Variants in PKHD1L1 observed in about 807,000 individuals in gnomAD.
PKHD1L1 encodes the protein PKHD1 like 1.
In PKHD1L1, 434 loss-of-function variants were observed where a neutral mutation model predicts 462.9. The ratio of observed to expected loss-of-function variants is 0.94; its 90% CI spans 0.87 to 1.02. The LOEUF (loss-of-function observed/expected upper bound fraction) is 1.02, where lower values mean the gene tolerates loss of function less well. Among genes scored for constraint, PKHD1L1 ranks in the 50% least tolerant of loss-of-function variants. The pLI is 0.00. For missense variants in PKHD1L1, 5,202 were observed against 5,096.1 expected (o/e 1.02, Z -0.63); for synonymous variants, 1,781 against 1,750.0 (o/e 1.02, Z -0.44).
At position 109,522,901 on chromosome 8, in the gene PKHD1L1, A is replaced by C. The variant is rs1186644053; in HGVS notation, c.12330+11A>C. ...GCAACAGATTCTGACGTAAGTCATA[A>C]CTCAAAATTTTACTTAAGTGAAGGA... On this transcript the variant is annotated intron_variant, in intron 75 of 77. Transcript: ENST00000378402. 1.9e-6 allele frequency: 3 copies of C among 1,584,782 alleles called. No homozygotes were observed. The African/African-American group carries it at 4.1e-5, about 21-fold the overall frequency.
Position 109,410,738 on chromosome 8 carries a change from T to C in PKHD1L1, c.2085+760T>C, listed in dbSNP as rs940031518. 3.4e-5 allele frequency among the ~76,000 whole-genome samples: 4 copies of C among 116,862 alleles called. 1 individual carries two copies. The highest frequency in any genetic ancestry group is 6.9e-5 in the Non-Finnish European group (4 of 58,004). 76.7% of individuals were successfully genotyped at this position (116,862 alleles called of 152,430 possible). A position where few individuals can be genotyped will look rare whatever the true frequency, so the allele number is the denominator to read the frequency against. On this transcript the variant is annotated intron_variant, in intron 19 of 77. Coordinates refer to ENST00000378402, the MANE Select transcript of PKHD1L1 (RefSeq NM_177531.6). ...TTCTTTTCTTTTTCTTTTTTTTTTT[T>C]TTTTTTTTTGAGACGGAGTCTCACT...
chr8:109,503,306 AAAAACAAAC>A, intron 67 of PKHD1L1, among the ~76,000 whole-genome samples: 3 of 119,752 alleles, frequency 2.5e-5, no homozygotes, highest in African/African-American at 7.0e-5. Flanking sequence ...AAACAAAAAC[AAAAACAAAC>A]AAAAAAAAAA....
At chr8:109,481,644 T>C in intron 56 of PKHD1L1, 82 bp downstream of exon 56, 2 of 1,218,184 alleles carry the variant, frequency 1.6e-6, no homozygotes, top group Non-Finnish European at 1.1e-6. Flanking sequence ...TACATATCAG[T>C]TCATAATGAT....
chr8:109,412,051 CTT>C (rs1457638668), intron 19 of PKHD1L1, among the ~76,000 whole-genome samples: 1 of 152,052 alleles, frequency 6.6e-6, no homozygotes, highest in Non-Finnish European at 1.5e-5. Context: ...AAAAATCAAA[CTT>C]GGGAACTAGT....
chr8:109,400,024 G>A (rs1012981933), intron 12 of PKHD1L1, 52 bp from the exon 13 acceptor site: 1 of 1,521,550 alleles, frequency 6.6e-7, no homozygotes, highest in African/African-American at 1.4e-5. Context: ...AAGCCATTGA[G>A]GCATTGCATT....
At chr8:109,448,736 A>G (rs116296809) in intron 39 of PKHD1L1, among the ~76,000 whole-genome samples, 4,036 of 152,064 alleles carry the variant, frequency 0.027, 187 homozygotes, top group African/African-American at 0.094. Context: ...ATAGCACAAT[A>G]CAAATACTTT....
Position 109,415,847 on chromosome 8 carries a change from T to TA in PKHD1L1, c.2360+2316dup, listed in dbSNP as rs71305948. Among the ~76,000 whole-genome samples, 108 of 117,034 alleles carry TA rather than the reference T, an allele frequency of 9.2e-4. 1 individual carries two copies. The highest frequency in any genetic ancestry group is 2.5e-3 in the African/African-American group (71 of 28,830). The allele number at this position is 117,034 out of a possible 152,430, so 76.8% of individuals were successfully genotyped here. A position where few individuals can be genotyped will look rare whatever the true frequency, so the allele number is the denominator to read the frequency against. Reference sequence around the variant, plus strand: ...TGGGTGACAGAATGAGACCTTGTCTTAAAAAAAAAAAAAAGGGGTGTGTGT... The same window carrying TA: ...TGGGTGACAGAATGAGACCTTGTCTTAAAAAAAAAAAAAAAGGGGTGTGTGT... On this transcript the variant is annotated intron_variant, in intron 21 of 77. Transcript: ENST00000378402.
Position 109,498,522 on chromosome 8 carries a change from G to T in PKHD1L1, c.10660G>T (p.Asp3554Tyr). Residue 3554 changes from aspartate (D) to tyrosine (Y), a missense_variant, in exon 66 of 78, where the codon GAT (aspartate) becomes TAT (tyrosine). Asp to Tyr is a radical substitution (Grantham distance 160). Transcript: ENST00000378402. ...TTGCTCTGATGTCCTAACTAATGATGATCCTAATATTGAACTCACTGCTGC... is the reference window on the plus strand; with the variant it reads ...TTGCTCTGATGTCCTAACTAATGATTATCCTAATATTGAACTCACTGCTGC... ...FNCSDVLTND[D>Y]PNIELTAAHR... is the part of the protein sequence containing the mutation. The T allele has an allele frequency of 6.2e-7, 1 of 1,613,814 alleles. No individual in the cohort carries two copies. The highest frequency in any genetic ancestry group is 8.5e-7 in the Non-Finnish European group (1 of 1,179,736).
Position 109,516,351 on chromosome 8 carries a change from C to T in PKHD1L1, c.11689+1046C>T, listed in dbSNP as rs377287345. 6.2e-4 allele frequency among the ~76,000 whole-genome samples: 94 copies of T among 152,180 alleles called. 1 individual carries two copies. Among genetic ancestry groups the T allele is most frequent in the African/African-American group, 2.2e-3 (93 of 41,532 alleles). On this transcript the variant is annotated intron_variant, in intron 72 of 77. Transcript: ENST00000378402. The stretch of plus-strand genomic sequence containing the variant: ...CATGTTCTGCTGAGGGTTCTTTGCT[C>T]GGCTTGCAGATGGCCACTTTCTTGC...
At chr8:109,401,423 GATAA>G (rs1323967040) in intron 13 of PKHD1L1, 70 bp from the exon 14 acceptor site, 10 of 771,958 alleles carry the variant, frequency 1.3e-5, no homozygotes, top group Admixed American at 5.6e-5. Context: ...AATAATAAAT[GATAA>G]ATAAATAAAT....
intron 73 of PKHD1L1, among the ~76,000 whole-genome samples, chr8:109,520,233 C>A (rs959701979): frequency 2.6e-5 from 4 of 152,068 alleles, no homozygotes; most frequent in African/African-American, 9.7e-5. Context: ...CTCACTTGGA[C>A]TTACAGGCTC....
chr8:109,503,304 AC>A, intron 67 of PKHD1L1, among the ~76,000 whole-genome samples: 1 of 119,348 alleles, frequency 8.4e-6, no homozygotes, highest in South Asian at 3.3e-4. Context: ...AAAAACAAAA[AC>A]AAAAACAAAC....
In PKHD1L1 at chr8:109,504,479, A is replaced by G. The variant is rs758790244; in HGVS notation, c.10981A>G (p.Arg3661Gly). The change falls in exon 68 of 78, where the codon AGG becomes GGG. Residue 3661 changes from arginine (R) to glycine (G), a missense_variant. Coordinates refer to ENST00000378402, the MANE Select transcript of PKHD1L1 (RefSeq NM_177531.6). ...TGAACAATCAAAAATATTTATACATAGGCCTGATATAAGGTAAAATACATA... is the reference window on the plus strand; with the variant it reads ...TGAACAATCAAAAATATTTATACATGGGCCTGATATAAGGTAAAATACATA... Reference protein sequence around the residue: ...TTEQSKIFIHRPDISKVNPSD... With the variant: ...TTEQSKIFIHGPDISKVNPSD... 9.3e-6 allele frequency: 14 copies of G among 1,511,032 alleles called. No homozygotes were observed. The highest frequency in any genetic ancestry group is 1.4e-5 in the African/African-American group (1 of 70,062). 93.6% of individuals were successfully genotyped at this position (1,511,032 alleles called of 1,614,324 possible). A position where few individuals can be genotyped will look rare whatever the true frequency, so the allele number is the denominator to read the frequency against.
intron 17 of PKHD1L1, among the ~76,000 whole-genome samples, chr8:109,407,076 G>T (rs945738779): frequency 6.6e-6 from 1 of 152,046 alleles, no homozygotes; most frequent in African/African-American, 2.4e-5. Flanking sequence ...TAGACATTCT[G>T]CCTTCAAGTC....
chr8:109,442,100 G>A lies in PKHD1L1; in HGVS notation c.4298G>A (p.Arg1433Lys). ...AWHWQTHPFL[R>K]GIGYRIFSVS... The stretch of plus-strand genomic sequence containing the variant: ...CATTGGCAAACACATCCGTTTCTTA[G>A]AGGGATAGGATATAGGATTTTTTCT... Residue 1433 changes from arginine to lysine, a missense_variant, in exon 35 of 78, where the codon AGA becomes AAA. Arg to Lys is a conservative substitution (Grantham distance 26). This residue lies in a region of PKHD1L1 where 4,497 missense variants were observed against 4,336.8 expected (regional missense o/e 1.04). Transcript: ENST00000378402. The A allele has an allele frequency of 1.2e-6, 2 of 1,613,518 alleles. No individual in the cohort carries two copies. Among genetic ancestry groups the A allele is most frequent in the Non-Finnish European group, 1.7e-6 (2 of 1,179,586 alleles).
chr8:109,439,724 T>A (rs1467955612), intron 32 of PKHD1L1, among the ~76,000 whole-genome samples: 1 of 152,086 alleles, frequency 6.6e-6, no homozygotes, highest in Admixed American at 6.6e-5. Flanking sequence ...CTGAAACTGT[T>A]TGTTAACTGA....
At chr8:109,379,710 T>A (rs2130399849) in intron 2 of PKHD1L1, among the ~76,000 whole-genome samples, 1 of 152,352 alleles carries the variant, frequency 6.6e-6, no homozygotes, top group South Asian at 2.1e-4. Flanking sequence ...CTGCTGGATT[T>A]GTGGTCTTAG....
At chr8:109,430,916 A>G (rs939314579) in intron 27 of PKHD1L1, among the ~76,000 whole-genome samples, 4 of 152,036 alleles carry the variant, frequency 2.6e-5, no homozygotes, top group African/African-American at 9.7e-5. Flanking sequence ...ATTTGGTTAC[A>G]GTCCTTTGGT....
intron 27 of PKHD1L1, 119 bp downstream of exon 27, chr8:109,430,156 G>A (rs1815014202): frequency 1.9e-6 from 1 of 532,590 alleles, no homozygotes; most frequent in East Asian, 3.5e-5. Context: ...CAAGCAAACA[G>A]TTCTACATTG....
Sources: gnomAD v4.1 joint callset for allele counts (sites outside exome capture counted in the v4.1 genomes callset) on GRCh38, gnomAD v4.1.1 for gene constraint, gnomAD v4.1.1 regional missense constraint, MANE v1.5 for transcripts, NCBI Gene and HGNC (gene_info 2026-07-23, HGNC 2026-07-21) for gene names.